Variants in ADGRB3 observed in about 807,000 individuals in gnomAD.
ADGRB3 encodes brain-specific angiogenesis inhibitor 3.
In ADGRB3, 37 loss-of-function variants were observed where a neutral mutation model predicts 193.4. The ratio of observed to expected loss-of-function variants is 0.19; its 90% CI spans 0.15 to 0.25. The LOEUF (loss-of-function observed/expected upper bound fraction) is 0.25. ADGRB3 is among the 10% of genes least tolerant of loss of function. The pLI is 1.00. For missense variants in ADGRB3, 1,637 were observed against 1,852.9 expected (o/e 0.88, Z 2.14); for synonymous variants, 690 against 644.2 (o/e 1.07, Z -1.08).
chr6:68,729,238 C>T (rs569360593), intron 3 of ADGRB3, among the ~76,000 whole-genome samples: 2 of 151,590 alleles, frequency 1.3e-5, no homozygotes, highest in Non-Finnish European at 3.0e-5. Flanking sequence ...TCCTTGGTAG[C>T]TTTCCTGATG....
chr6:68,758,431 A>C (rs1332463385), intron 3 of ADGRB3, among the ~76,000 whole-genome samples: 1 of 152,118 alleles, frequency 6.6e-6, no homozygotes, highest in African/African-American at 2.4e-5. Context: ...AACAGTAAGA[A>C]AACAATTCTA....
At chr6:69,154,180 A>G (rs181609923) in intron 17 of ADGRB3, among the ~76,000 whole-genome samples, 1 of 152,058 alleles carries the variant, frequency 6.6e-6, no homozygotes, top group Non-Finnish European at 1.5e-5. Context: ...TATTGTCTCC[A>G]TCACAGATCA....
chr6:68,832,436 T>C (rs1268896661), intron 3 of ADGRB3, among the ~76,000 whole-genome samples: 1 of 152,148 alleles, frequency 6.6e-6, no homozygotes, highest in African/African-American at 2.4e-5. Flanking sequence ...AGTAAGAGGG[T>C]TCATGCTCAT....
In ADGRB3 at chr6:68,639,176, T is replaced by C. The variant is rs778610360; in HGVS notation, c.501T>C (p.Gly167=). The C allele has an allele frequency of 1.9e-6, 3 of 1,614,182 alleles. No individual in the cohort carries two copies. Among genetic ancestry groups the C allele is most frequent in the South Asian group, 1.1e-5 (1 of 91,086 alleles). ...VLNKVSPSQF[G]CHVLCTWLES... is the part of the protein sequence containing the mutation. ...ACAAGGTCAGCCCAAGCCAGTTTGG[T>C]TGCCATGTATTATGTACTTGGTTGG... Residue 167 remains glycine, a synonymous_variant, in exon 3 of 32, where the codon GGT becomes GGC. Transcript: ENST00000370598.
intron 3 of ADGRB3, among the ~76,000 whole-genome samples, chr6:68,913,753 G>A (rs1312697219): frequency 6.6e-6 from 1 of 152,122 alleles, no homozygotes; most frequent in Non-Finnish European, 1.5e-5. Flanking sequence ...CCGAACTACA[G>A]GAGGAAATTC....
Position 68,685,837 on chromosome 6 carries a change from G to A in ADGRB3, c.757+46405G>A, listed in dbSNP as rs752768994. 2.6e-5 allele frequency among the ~76,000 whole-genome samples: 4 copies of A among 152,128 alleles called. No individual in the cohort carries two copies. The East Asian group carries it at 5.8e-4, about 22-fold the overall frequency. ...AATCTGGAGGGGCGGAGGTTGCAGT[G>A]AGCCAAGATGGCGCCACTGCACTCC... is the stretch of plus-strand genomic sequence containing the variant. On this transcript the variant is annotated intron_variant, in intron 3 of 31. Transcript: ENST00000370598.
chr6:69,253,162 C>A (rs1341915026), intron 20 of ADGRB3, among the ~76,000 whole-genome samples: 2 of 151,978 alleles, frequency 1.3e-5, no homozygotes, highest in Non-Finnish European at 2.9e-5. Flanking sequence ...TATGTCGATG[C>A]CATAATCTTT....
At chr6:68,921,541 C>T (rs1287307006) in intron 3 of ADGRB3, among the ~76,000 whole-genome samples, 1 of 152,012 alleles carries the variant, frequency 6.6e-6, no homozygotes, top group East Asian at 1.9e-4. Flanking sequence ...TGGAATGTGG[C>T]AATATCTAAC....
chr6:69,170,120 T>TA (rs1775235268), intron 17 of ADGRB3, among the ~76,000 whole-genome samples: 1 of 152,184 alleles, frequency 6.6e-6, no homozygotes, highest in African/African-American at 2.4e-5. Flanking sequence ...CCCTGAATGC[T>TA]AAAATGTCAT....
intron 17 of ADGRB3, among the ~76,000 whole-genome samples, chr6:69,157,019 G>A (rs147507307): frequency 1.1e-4 from 16 of 152,258 alleles, no homozygotes; most frequent in East Asian, 7.7e-4. Context: ...AAGAAGTGGC[G>A]CAGCAGAATG....
intron 5 of ADGRB3, among the ~76,000 whole-genome samples, chr6:68,937,965 A>G (rs1163119559): frequency 3.3e-5 from 5 of 152,198 alleles, no homozygotes; most frequent in African/African-American, 1.2e-4. Context: ...GGAAATAAAA[A>G]GTAAAGAGAG....
At chr6:68,843,283 G>A (rs1434096830) in intron 3 of ADGRB3, among the ~76,000 whole-genome samples, 2 of 151,906 alleles carry the variant, frequency 1.3e-5, no homozygotes, top group African/African-American at 2.4e-5. Flanking sequence ...AAAACCCAAA[G>A]AGTCTACCAA....
chr6:69,273,810 C>G (rs776004766), intron 20 of ADGRB3, among the ~76,000 whole-genome samples: 1 of 152,168 alleles, frequency 6.6e-6, no homozygotes, highest in African/African-American at 2.4e-5. Context: ...CTGTGGTCTA[C>G]TGAGCTTTCC....
At chr6:68,861,491 G>A (rs1056479427) in intron 3 of ADGRB3, among the ~76,000 whole-genome samples, 1 of 152,074 alleles carries the variant, frequency 6.6e-6, no homozygotes, top group Non-Finnish European at 1.5e-5. Context: ...GAACCCGGGA[G>A]GTGGAGCTTG....
chr6:68,715,992 C>CA (rs574169392), intron 3 of ADGRB3, among the ~76,000 whole-genome samples: 4 of 151,224 alleles, frequency 2.6e-5, no homozygotes, highest in South Asian at 2.1e-4. Flanking sequence ...GTCTAAACGT[C>CA]AAAAAAATGC....
intron 17 of ADGRB3, among the ~76,000 whole-genome samples, chr6:69,206,987 T>A (rs941288206): frequency 5.3e-5 from 8 of 152,166 alleles, no homozygotes; most frequent in Non-Finnish European, 1.2e-4. Context: ...CCCTAAAGGA[T>A]CTCCTGTATT....
At chr6:69,100,822 GAAAGA>G (rs1773011653) in intron 17 of ADGRB3, among the ~76,000 whole-genome samples, 1 of 117,058 alleles carries the variant, frequency 8.5e-6, no homozygotes, top group African/African-American at 3.2e-5. Flanking sequence ...AGGAAGGAAG[GAAAGA>G]AGGAAGGAAG....
chr6:68,812,781 C>T lies in ADGRB3; in HGVS notation c.758-117778C>T, dbSNP rs141065462. On this transcript the variant is annotated intron_variant, in intron 3 of 31. Transcript: ENST00000370598. Reference sequence around the variant, plus strand: ...TGGTGGTTTGCTGCACCCATCAACCCGTCATCTACATTAGGTATTTCTCCT... The same window carrying T: ...TGGTGGTTTGCTGCACCCATCAACCTGTCATCTACATTAGGTATTTCTCCT... 7.5e-3 allele frequency among the ~76,000 whole-genome samples: 1,143 copies of T among 151,984 alleles called. 7 individuals carry two copies. The highest frequency in any genetic ancestry group is 0.024 in the African/African-American group (990 of 41,438).
intron 8 of ADGRB3, among the ~76,000 whole-genome samples, chr6:68,964,624 G>C (rs1318065835): frequency 2.6e-5 from 4 of 152,126 alleles, no homozygotes; most frequent in Non-Finnish European, 5.9e-5. Context: ...TAGCTTTTTA[G>C]AGTTATTCCT....
Sources: allele counts gnomAD v4.1 joint callset (sites outside exome capture counted in the v4.1 genomes callset), GRCh38; gene constraint gnomAD v4.1.1; transcripts MANE v1.5; gene names NCBI Gene and HGNC (gene_info 2026-07-23, HGNC 2026-07-21).